Variants in CXCL16 observed in about 807,000 individuals in gnomAD.
CXCL16 encodes C-X-C motif chemokine 16.
A neutral mutation model predicts 23.8 loss-of-function variants in CXCL16; 18 were observed. The observed-to-expected ratio is 0.76, with a 90% CI of 0.52 to 1.12. The LOEUF (loss-of-function observed/expected upper bound fraction) is 1.12, where lower values mean the gene tolerates loss of function less well. Ranked by LOEUF, CXCL16 falls within the 50% of genes most tolerant of loss-of-function variation. CXCL16 has a pLI of 0.00. For missense variants in CXCL16, 297 were observed against 315.4 expected (o/e 0.94, Z 0.44); for synonymous variants, 123 against 132.5 (o/e 0.93, Z 0.49).
At chr17:4,737,348 C>T (rs1486571800) in intron 3 of CXCL16, among the ~76,000 whole-genome samples, 3 of 150,858 alleles carry the variant, frequency 2.0e-5, no homozygotes, top group African/African-American at 4.8e-5. Flanking sequence ...GAGGCTGAGG[C>T]AGGTGGATCA....
rs1035542661 is a variant in CXCL16 at position 4,735,067 on chromosome 17, G to A, written c.718+25C>T. The A allele has an allele frequency of 1.9e-6, 3 of 1,583,850 alleles. No homozygotes were observed. The African/African-American group carries it at 4.0e-5, about 21-fold the overall frequency. ...GTCAGGAAGGCTCTGGGTCCCTGGG[G>A]GGAGGGTTCAAAGGTCCAGTTTACC... On this transcript the variant is annotated intron_variant, in intron 4 of 5. Transcript: ENST00000293778.
Position 4,739,774 on chromosome 17 carries a change from G to A in CXCL16, c.-435C>T, listed in dbSNP as rs1158214030. 1.9e-6 allele frequency: 2 copies of A among 1,044,982 alleles called. No homozygotes were observed. The highest frequency in any genetic ancestry group is 3.6e-5 in the South Asian group (1 of 27,866). 64.7% of individuals were successfully genotyped at this position (1,044,982 alleles called of 1,614,324 possible). A position where few individuals can be genotyped will look rare whatever the true frequency, so the allele number is the denominator to read the frequency against. The stretch of plus-strand genomic sequence containing the variant: ...CGACCTGTGAGGCGGCTGCACTGCC[G>A]GACCGGCCCTCCTCCTCCGAGGCAC... On this transcript the variant is annotated 5_prime_UTR_variant, in exon 1 of 6. Coordinates refer to ENST00000293778, the MANE Select transcript of CXCL16 (RefSeq NM_001386809.1). The surrounding 1 kb of genome is among the most constrained non-coding windows in gnomAD (Gnocchi z 5.3).
Position 4,738,579 on chromosome 17 carries a change from G to T in CXCL16, c.219-89C>A. ...TCCAGAGGCGTGAAGTTGCCACCAA[G>T]AAAGAGCCCTTTCTCCTGGGACTGG... On this transcript the variant is annotated intron_variant, in intron 2 of 5. Transcript: ENST00000293778. The surrounding 1 kb of genome is among the most constrained non-coding windows in gnomAD (Gnocchi z 4.0). 4 of 1,135,064 alleles carry T rather than the reference G, an allele frequency of 3.5e-6. No homozygotes were observed. The highest frequency in any genetic ancestry group is 5.1e-6 in the Non-Finnish European group (4 of 780,498). The allele number at this position is 1,135,064 out of a possible 1,614,324, so 70.3% of individuals were successfully genotyped here.
At chr17:4,736,899 A>G (rs563954634) in intron 3 of CXCL16, among the ~76,000 whole-genome samples, 3 of 151,890 alleles carry the variant, frequency 2.0e-5, no homozygotes, top group Non-Finnish European at 4.4e-5. Context: ...GCTCACTGCA[A>G]CCTCCGCCTC....
In CXCL16 at chr17:4,739,441, G is replaced by A. The variant is rs140340376; in HGVS notation, c.-102C>T. 15,519 of 1,563,800 alleles carry A rather than the reference G, an allele frequency of 9.9e-3. 139 individuals carry two copies. The highest frequency in any genetic ancestry group is 0.036 in the African/African-American group (2,674 of 73,746). On this transcript the variant is annotated 5_prime_UTR_variant, in exon 1 of 6. Transcript: ENST00000293778. This position sits in a 1 kb window ranked among gnomAD's most constrained non-coding sequence, Gnocchi z 5.3. The stretch of plus-strand genomic sequence containing the variant: ...AGCTGGTGTCTCAATGGCTTTCGCC[G>A]GGGACCGGAGGAGACGGCGGCCGGA...
intron 3 of CXCL16, among the ~76,000 whole-genome samples, chr17:4,737,696 T>C (rs1161967657): frequency 6.7e-6 from 1 of 150,126 alleles, no homozygotes; most frequent in Non-Finnish European, 1.5e-5. Context: ...GTAAAATTGA[T>C]AGTGTAAAAT....
At chr17:4,736,515 AAAGTAGCTGTGTAACCTC>A (rs778103514) in intron 3 of CXCL16, 24 of 152,346 alleles carry the variant, frequency 1.6e-4, no homozygotes, top group South Asian at 8.3e-4. Context: ...GCTCTGCTGT[AAAGTAGCTGTGTAACCTC>A]AAGTAGCTGT....
In CXCL16 at chr17:4,738,208, T is replaced by C. The variant is rs1485598457; in HGVS notation, c.301+200A>G. ...ACAATAGCACACGTGGTAGAATGAA[T>C]TGGCAAAACTCATGAAGGTGATGGT... On this transcript the variant is annotated intron_variant, in intron 3 of 5. Coordinates refer to ENST00000293778, the MANE Select transcript of CXCL16 (RefSeq NM_001386809.1). This position sits in a 1 kb window ranked among gnomAD's most constrained non-coding sequence, Gnocchi z 4.0. Among the ~76,000 whole-genome samples, 1 of 152,110 alleles carries C rather than the reference T, an allele frequency of 6.6e-6. No individual in the cohort carries two copies. The highest frequency in any genetic ancestry group is 1.5e-5 in the Non-Finnish European group (1 of 68,012).
At position 4,739,619 on chromosome 17, in the gene CXCL16, C is replaced by A. The variant is rs953091282; in HGVS notation, c.-280G>T. On this transcript the variant is annotated 5_prime_UTR_variant, in exon 1 of 6. Transcript: ENST00000293778. The surrounding 1 kb of genome is among the most constrained non-coding windows in gnomAD (Gnocchi z 5.3). ...GCCCCCGCACTGGGCCCGGCTCCGT[C>A]GAGGGAAGGCCAGGAATCTTGGAAG... 4 of 668,024 alleles carry A rather than the reference C, an allele frequency of 6.0e-6. No homozygotes were observed. Among genetic ancestry groups the A allele is most frequent in the African/African-American group, 1.9e-5 (1 of 51,578 alleles). The allele number at this position is 668,024 out of a possible 1,614,324, so 41.4% of individuals were successfully genotyped here.
rs768747353 is a variant in CXCL16, at chr17:4,735,347, C to CT, written c.462dup (p.Val155SerfsTer15). 1.9e-6 allele frequency: 3 copies of CT among 1,606,502 alleles called. No homozygotes were observed. Reference sequence around the variant, plus strand: ...TCTTTGTCCGAGGACAGTGATCCTACTGGGAGGGTGGGGCGCTGAGTGGAC... The same window carrying CT: ...TCTTTGTCCGAGGACAGTGATCCTACTTGGGAGGGTGGGGCGCTGAGTGGAC... On this transcript the variant is annotated frameshift_variant, in exon 4 of 6. Coordinates refer to ENST00000293778, the MANE Select transcript of CXCL16 (RefSeq NM_001386809.1). LOFTEE classifies it high-confidence loss of function.
chr17:4,738,324 G>GA lies in CXCL16; in HGVS notation c.301+83dup. 1 of 1,076,344 alleles carries GA rather than the reference G, an allele frequency of 9.3e-7. No individual in the cohort carries two copies. Among genetic ancestry groups the GA allele is most frequent in the Non-Finnish European group, 1.4e-6 (1 of 699,288 alleles). The allele number at this position is 1,076,344 out of a possible 1,614,324, so 66.7% of individuals were successfully genotyped here. On this transcript the variant is annotated intron_variant, in intron 3 of 5. Coordinates refer to ENST00000293778, the MANE Select transcript of CXCL16 (RefSeq NM_001386809.1). The surrounding 1 kb of genome is among the most constrained non-coding windows in gnomAD (Gnocchi z 4.0). ...GTTCTAGGAATGTGCGGCCCCAGGG[G>GA]AAAAGGCTCAGGTAAAGAAAACTGT...
At chr17:4,735,065 G>C (rs548855958) in intron 4 of CXCL16, 27 bp downstream of exon 4, 5 of 1,581,870 alleles carry the variant, frequency 3.2e-6, no homozygotes, top group Admixed American at 3.4e-5. Flanking sequence ...TGGGTCCCTG[G>C]GGGGAGGGTT....
At chr17:4,736,837 TTTTC>T (rs1419971126) in intron 3 of CXCL16, among the ~76,000 whole-genome samples, 3 of 152,122 alleles carry the variant, frequency 2.0e-5, no homozygotes, top group Non-Finnish European at 4.4e-5. Context: ...ACTATTTAAG[TTTTC>T]TTTCTTTTTT....
At chr17:4,737,369 G>C (rs1222203250) in intron 3 of CXCL16, among the ~76,000 whole-genome samples, 1 of 146,346 alleles carries the variant, frequency 6.8e-6, no homozygotes, top group Non-Finnish European at 1.5e-5. Flanking sequence ...CCTGAGGTCA[G>C]GAGTTTGAGA....
intron 3 of CXCL16, among the ~76,000 whole-genome samples, chr17:4,735,883 G>A (rs1354268860): frequency 1.3e-5 from 2 of 152,078 alleles, no homozygotes; most frequent in African/African-American, 4.8e-5. Context: ...AGACCAGTCT[G>A]ACCAACATGG....
In CXCL16 at chr17:4,738,848, G is replaced by A. The variant is rs146574730; in HGVS notation, c.152C>T (p.Ser51Leu). The change falls in exon 2 of 6, where the codon TCG (serine) becomes TTG (leucine). Residue 51 changes from serine (S) to leucine (L), a missense_variant. Transcript: ENST00000293778. This position sits in a 1 kb window ranked among gnomAD's most constrained non-coding sequence, Gnocchi z 4.0. ...CCGGAGACGATTCATGAACTGAACC[G>A]ATGGCGGGGAGTCGGAAGAAATTCT... ...GKRISSDSPPSVQFMNRLRKH... is the reference protein window; with the variant it reads ...GKRISSDSPPLVQFMNRLRKH... The A allele has an allele frequency of 7.6e-5, 122 of 1,614,030 alleles. No homozygotes were observed. Among genetic ancestry groups the A allele is most frequent in the Non-Finnish European group, 1.0e-4 (120 of 1,180,016 alleles).
chr17:4,737,062 C>T (rs1274642098), intron 3 of CXCL16, among the ~76,000 whole-genome samples: 1 of 151,870 alleles, frequency 6.6e-6, no homozygotes, highest in Non-Finnish European at 1.5e-5. Flanking sequence ...GGTGATCCAC[C>T]GGCCTCAACC....
Position 4,735,157 on chromosome 17 carries a change from AG to A in CXCL16, c.652del (p.Leu218SerfsTer59), listed in dbSNP as rs1372657600. ...CAGCACATAGGAAAGGGCTGCGGTG[AG>A]GATGAAGATGATGGCCAGGAGGCAC... Reference protein sequence around the residue: ...VLCLLAIIFILTAALSYVLCK... With the variant: ...VLCLLAIIFIXTAALSYVLCK... On this transcript the variant is annotated frameshift_variant, in exon 4 of 6. Transcript: ENST00000293778. LOFTEE classifies it high-confidence loss of function. The A allele has an allele frequency of 6.2e-7, 1 of 1,614,130 alleles. No individual in the cohort carries two copies. Among genetic ancestry groups the A allele is most frequent in the African/African-American group, 1.3e-5 (1 of 75,042 alleles).
chr17:4,738,672 T>C lies in CXCL16; in HGVS notation c.218+110A>G. 1 of 1,224,458 alleles carries C rather than the reference T, an allele frequency of 8.2e-7. No homozygotes were observed. Among genetic ancestry groups the C allele is most frequent in the East Asian group, 2.4e-5 (1 of 42,132 alleles). The allele number at this position is 1,224,458 out of a possible 1,614,324, so 75.8% of individuals were successfully genotyped here. A position where few individuals can be genotyped will look rare whatever the true frequency, so the allele number is the denominator to read the frequency against. On this transcript the variant is annotated intron_variant, in intron 2 of 5. Coordinates refer to ENST00000293778, the MANE Select transcript of CXCL16 (RefSeq NM_001386809.1). This position sits in a 1 kb window ranked among gnomAD's most constrained non-coding sequence, Gnocchi z 4.0. Reference sequence around the variant, plus strand: ...AATGAGAGCAAACGGAACCCGGAGATGGGGCTCGGTGAGCCGGGAAGGAGT... The same window carrying C: ...AATGAGAGCAAACGGAACCCGGAGACGGGGCTCGGTGAGCCGGGAAGGAGT...
Sources: gnomAD v4.1 joint callset for allele counts (sites outside exome capture counted in the v4.1 genomes callset) on GRCh38, gnomAD v4.1.1 for gene constraint, Gnocchi (gnomAD v3.1) non-coding constraint, MANE v1.5 for transcripts, NCBI Gene and HGNC (gene_info 2026-07-23, HGNC 2026-07-21) for gene names.